Variants in CDYL2 observed in about 807,000 individuals in gnomAD.
CDYL2 encodes chromodomain Y-like protein 2.
CDYL2 carries 23 observed loss-of-function variants against 49.4 expected under a neutral mutation model. The ratio of observed to expected loss-of-function variants is 0.47; its 90% CI spans 0.34 to 0.66. CDYL2 has a LOEUF of 0.66. Ranked by LOEUF, CDYL2 falls within the 30% of genes least tolerant of loss-of-function variation. CDYL2 has a pLI of 0.01. For synonymous variants in CDYL2, 360 were observed against 268.8 expected, an observed-to-expected ratio of 1.34 and a Z score of -3.32; for missense variants, 678 against 656.4, an observed-to-expected ratio of 1.03 and a Z score of -0.36.
chr16:80,802,493 CG>C (rs1230667094), intron 1 of CDYL2, among the ~76,000 whole-genome samples: 1 of 152,208 alleles, frequency 6.6e-6, no homozygotes, highest in Non-Finnish European at 1.5e-5. Flanking sequence ...CAGACCAAGG[CG>C]CTTGGGTGAT....
intron 2 of CDYL2, among the ~76,000 whole-genome samples, chr16:80,665,790 G>A (rs548395320): frequency 2.0e-4 from 31 of 152,248 alleles, no homozygotes; most frequent in African/African-American, 7.2e-4. Context: ...AAGATGGCAG[G>A]TGAAAAACTC....
intron 1 of CDYL2, among the ~76,000 whole-genome samples, chr16:80,765,728 CAAAAAAAAAAA>C (rs35740729): frequency 1.8e-5 from 1 of 55,180 alleles, no homozygotes; most frequent in Non-Finnish European, 3.4e-5. Context: ...GTATTAATCG[CAAAAAAAAAAA>C]AAAAAAAAAA....
chr16:80,668,847 C>A (rs956055109), intron 2 of CDYL2, among the ~76,000 whole-genome samples: 1 of 151,774 alleles, frequency 6.6e-6, no homozygotes, highest in Non-Finnish European at 1.5e-5. Flanking sequence ...TGCAGTGAGC[C>A]GAGATCACCC....
intron 1 of CDYL2, among the ~76,000 whole-genome samples, chr16:80,689,545 G>A (rs1393178457): frequency 6.6e-6 from 1 of 152,154 alleles, no homozygotes; most frequent in African/African-American, 2.4e-5. Flanking sequence ...TCATCTGACT[G>A]CAACAGCCTG....
intron 2 of CDYL2, among the ~76,000 whole-genome samples, 183 bp from the exon 3 acceptor site, chr16:80,633,419 A>G: frequency 6.6e-6 from 1 of 152,150 alleles, no homozygotes; most frequent in East Asian, 1.9e-4. Context: ...GAATTCCTGC[A>G]TCTCCAAATT....
intron 4 of CDYL2, among the ~76,000 whole-genome samples, chr16:80,619,280 C>T (rs1482186365): frequency 6.6e-6 from 1 of 152,194 alleles, no homozygotes; most frequent in African/African-American, 2.4e-5. Flanking sequence ...TTTCCAAATA[C>T]GGTCACCTCC....
chr16:80,676,960 T>A (rs1408624775), intron 2 of CDYL2, among the ~76,000 whole-genome samples: 1 of 132,736 alleles, frequency 7.5e-6, no homozygotes, highest in African/African-American at 2.8e-5. Context: ...ACCAATTCAA[T>A]GTATTTTTTT....
intron 2 of CDYL2, among the ~76,000 whole-genome samples, chr16:80,636,384 C>CA (rs1419027956): frequency 6.6e-6 from 1 of 152,078 alleles, no homozygotes; most frequent in African/African-American, 2.4e-5. Context: ...ACAACCCCAT[C>CA]AAAAAGTGGG....
intron 1 of CDYL2, among the ~76,000 whole-genome samples, chr16:80,788,291 T>C (rs571226866): frequency 6.6e-6 from 1 of 152,344 alleles, no homozygotes; most frequent in Admixed American, 6.5e-5. Flanking sequence ...TGTGCAGTCA[T>C]CACTTTTTGT....
intron 2 of CDYL2, among the ~76,000 whole-genome samples, chr16:80,683,495 G>T (rs746368779): frequency 1.3e-5 from 2 of 152,188 alleles, no homozygotes; most frequent in Non-Finnish European, 2.9e-5. Context: ...AGAGACTTTG[G>T]AAAAAGGAGG....
chr16:80,681,498 C>A (rs560540722), intron 2 of CDYL2, among the ~76,000 whole-genome samples: 2 of 152,194 alleles, frequency 1.3e-5, no homozygotes, highest in Non-Finnish European at 2.9e-5. Context: ...TCTGGAACCA[C>A]GGCATCCCCT....
At chr16:80,723,259 T>C (rs943364888) in intron 1 of CDYL2, among the ~76,000 whole-genome samples, 3 of 152,222 alleles carry the variant, frequency 2.0e-5, no homozygotes, top group African/African-American at 7.2e-5. Flanking sequence ...TGCATTCACC[T>C]ATGTATGGCT....
chr16:80,759,226 G>C (rs1018816133), intron 1 of CDYL2, among the ~76,000 whole-genome samples: 1 of 147,052 alleles, frequency 6.8e-6, no homozygotes, highest in African/African-American at 2.5e-5. Flanking sequence ...TATGATATAG[G>C]TTAGTGTCTC....
At chr16:80,798,567 G>T (rs1345821909) in intron 1 of CDYL2, among the ~76,000 whole-genome samples, 1 of 152,050 alleles carries the variant, frequency 6.6e-6, no homozygotes, top group Non-Finnish European at 1.5e-5. Flanking sequence ...TTACTTTATT[G>T]TAAGAATAGA....
intron 2 of CDYL2, among the ~76,000 whole-genome samples, chr16:80,659,789 T>C (rs1406828093): frequency 6.6e-6 from 1 of 151,794 alleles, no homozygotes; most frequent in South Asian, 2.1e-4. Context: ...AGAATCAAAG[T>C]TCTATATAAG....
chr16:80,637,712 A>G (rs1461271351), intron 2 of CDYL2, among the ~76,000 whole-genome samples: 1 of 152,174 alleles, frequency 6.6e-6, no homozygotes. Flanking sequence ...TATACTTAAC[A>G]ATAATTTATT....
At chr16:80,684,476 C>G in intron 2 of CDYL2, 62 bp downstream of exon 2, 1 of 1,496,358 alleles carries the variant, frequency 6.7e-7, no homozygotes, top group African/African-American at 1.4e-5. Flanking sequence ...CCCTAGGCTA[C>G]AGGCAGAGCT....
intron 1 of CDYL2, among the ~76,000 whole-genome samples, chr16:80,758,599 G>GTGGCACGATCTCCGCTCACTGCAAGCTC (rs1906397634): frequency 7.0e-6 from 1 of 142,778 alleles, no homozygotes; most frequent in Admixed American, 7.4e-5. Context: ...CTGGAGGGCA[G>GTGGCACGATCTCCGCTCACTGCAAGCTC]TGGCACGATC....
At position 80,601,233 on chromosome 16, in the gene CDYL2, T is replaced by C. The variant is rs1054272840; in HGVS notation, c.*3155A>G. 2.0e-5 allele frequency: 3 copies of C among 152,190 alleles called. No individual in the cohort carries two copies. The highest frequency in any genetic ancestry group is 7.2e-5 in the African/African-American group (3 of 41,438). The allele number at this position is 152,190 out of a possible 1,614,324, so 9.4% of individuals were successfully genotyped here. A position where few individuals can be genotyped will look rare whatever the true frequency, so the allele number is the denominator to read the frequency against. On this transcript the variant is annotated 3_prime_UTR_variant, in exon 7 of 7. Transcript: ENST00000570137. The stretch of plus-strand genomic sequence containing the variant: ...AGGGTTGTTAACTCAGATGGTCCCA[T>C]AAGATGCTGAGAGTGAGCCATCACC...
Sources: gnomAD v4.1 joint callset for allele counts (sites outside exome capture counted in the v4.1 genomes callset) on GRCh38, gnomAD v4.1.1 for gene constraint, MANE v1.5 for transcripts, NCBI Gene and HGNC (gene_info 2026-07-23, HGNC 2026-07-21) for gene names.